FRMD4A: variants seen among roughly 807,000 people sequenced by gnomAD.
The protein encoded by FRMD4A is FERM domain-containing protein 4A.
A neutral mutation model predicts 129.1 loss-of-function variants in FRMD4A; 29 were observed. The observed-to-expected ratio is 0.22, with a 90% CI of 0.17 to 0.31. The LOEUF is 0.31. FRMD4A is among the 10% of genes least tolerant of loss of function. FRMD4A has a pLI of 1.00. For synonymous variants in FRMD4A, 634 were observed against 571.6 expected, an observed-to-expected ratio of 1.11 and a Z score of -1.56; for missense variants, 1,272 against 1,375.8, an observed-to-expected ratio of 0.92 and a Z score of 1.19.
intron 2 of FRMD4A, among the ~76,000 whole-genome samples, chr10:13,886,098 T>C (rs1324940026): frequency 6.6e-6 from 1 of 152,196 alleles, no homozygotes; most frequent in Non-Finnish European, 1.5e-5. Flanking sequence ...TATATACTTC[T>C]TCCCAGGCAT....
chr10:14,305,178 G>A (rs1448935907), intron 2 of FRMD4A, among the ~76,000 whole-genome samples: 1 of 152,180 alleles, frequency 6.6e-6, no homozygotes, highest in Non-Finnish European at 1.5e-5. Flanking sequence ...AGCAGTTAGT[G>A]AAAGATTTTT....
chr10:14,044,599 G>A (rs1833910405), intron 2 of FRMD4A, among the ~76,000 whole-genome samples: 1 of 152,214 alleles, frequency 6.6e-6, no homozygotes, highest in Non-Finnish European at 1.5e-5. Context: ...AAGGACTGCT[G>A]GCAAGCAGCA....
intron 2 of FRMD4A, among the ~76,000 whole-genome samples, chr10:14,236,309 C>A (rs914985771): frequency 6.6e-6 from 1 of 152,150 alleles, no homozygotes; most frequent in Admixed American, 6.5e-5. Flanking sequence ...TGGTTGTAAT[C>A]CAAGAAGGAA....
chr10:13,657,787 G>GTTTTTTTTT (rs1204181870), intron 21 of FRMD4A, among the ~76,000 whole-genome samples: 1,422 of 110,892 alleles, frequency 0.013, 28 homozygotes, highest in African/African-American at 0.05. Context: ...TCGATTTCTG[G>GTTTTTTTTT]GTTTTTTTTT....
chr10:14,155,656 A>G (rs1373695466), intron 2 of FRMD4A, among the ~76,000 whole-genome samples: 2 of 152,218 alleles, frequency 1.3e-5, no homozygotes, highest in South Asian at 2.1e-4. Context: ...ATACAATGCA[A>G]TGCCACTGGA....
intron 2 of FRMD4A, among the ~76,000 whole-genome samples, chr10:14,150,940 A>C (rs951188656): frequency 6.6e-6 from 1 of 152,208 alleles, no homozygotes; most frequent in Non-Finnish European, 1.5e-5. Flanking sequence ...CTTTTTCTGG[A>C]GAAATCTCAG....
chr10:14,105,069 A>T (rs890763112), intron 2 of FRMD4A, among the ~76,000 whole-genome samples: 2 of 152,116 alleles, frequency 1.3e-5, no homozygotes, highest in Admixed American at 1.3e-4. Context: ...AGTCTCTCTC[A>T]TTCTCACAAC....
intron 2 of FRMD4A, among the ~76,000 whole-genome samples, chr10:13,865,221 G>T (rs192613235): frequency 2.0e-3 from 305 of 152,136 alleles, no homozygotes; most frequent in Non-Finnish European, 3.6e-3. Context: ...ATCCTGCAAT[G>T]ATTAAATTAA....
chr10:14,114,477 A>G (rs1279257547), intron 2 of FRMD4A, among the ~76,000 whole-genome samples: 1 of 152,236 alleles, frequency 6.6e-6, no homozygotes, highest in Non-Finnish European at 1.5e-5. Flanking sequence ...ATTTTTAGCC[A>G]TAATTCTAAT....
intron 2 of FRMD4A, among the ~76,000 whole-genome samples, chr10:13,878,139 G>A (rs573719694): frequency 6.8e-6 from 1 of 147,240 alleles, no homozygotes; most frequent in South Asian, 2.2e-4. Flanking sequence ...GTATCTGTTA[G>A]TCAAATCAAA....
intron 4 of FRMD4A, among the ~76,000 whole-genome samples, chr10:13,800,795 C>T (rs566179213): frequency 6.6e-6 from 1 of 152,244 alleles, no homozygotes; most frequent in Non-Finnish European, 1.5e-5. Context: ...CCACAGAGGA[C>T]AAACAGACAG....
intron 2 of FRMD4A, among the ~76,000 whole-genome samples, chr10:14,302,956 G>T (rs184482525): frequency 6.6e-6 from 1 of 152,264 alleles, no homozygotes; most frequent in Admixed American, 6.5e-5. Flanking sequence ...TTTGATCTTG[G>T]AGGAGCAGTG....
At chr10:14,210,863 G>C (rs1842916575) in intron 2 of FRMD4A, among the ~76,000 whole-genome samples, 1 of 152,162 alleles carries the variant, frequency 6.6e-6, no homozygotes, top group Non-Finnish European at 1.5e-5. Flanking sequence ...AAGTAGCTGG[G>C]ACTACAGGTG....
chr10:14,124,990 C>T (rs11258878), intron 2 of FRMD4A, among the ~76,000 whole-genome samples: 62,275 of 152,006 alleles, frequency 0.41, 13,399 homozygotes, highest in East Asian at 0.55. Flanking sequence ...CTTCCTTTGA[C>T]AACGTCAATT....
Position 13,654,702 on chromosome 10 carries a change from G to A in FRMD4A, c.2954-190C>T. 3 of 590,254 alleles carry A rather than the reference G, an allele frequency of 5.1e-6. 1 individual carries two copies. In the South Asian group the frequency reaches 6.2e-5, roughly 12 times the overall value. The allele number at this position is 590,254 out of a possible 1,614,324, so 36.6% of individuals were successfully genotyped here. On this transcript the variant is annotated intron_variant, in intron 22 of 24. Transcript: ENST00000357447. ...TCACAGTGGGCAACCATCTCTACATGCCCCCCCAACCTCTGCATCCCACCC... is the reference window on the plus strand; with the variant it reads ...TCACAGTGGGCAACCATCTCTACATACCCCCCCAACCTCTGCATCCCACCC...
At chr10:13,955,714 G>T (rs187895580) in intron 2 of FRMD4A, among the ~76,000 whole-genome samples, 20 of 152,354 alleles carry the variant, frequency 1.3e-4, no homozygotes, top group Admixed American at 2.0e-4. Flanking sequence ...CCCTGCCGGG[G>T]TCTACTTTGT....
intron 2 of FRMD4A, among the ~76,000 whole-genome samples, chr10:14,228,350 A>C (rs1843519340): frequency 6.6e-6 from 1 of 152,202 alleles, no homozygotes. Context: ...CTTGATTGGG[A>C]CCATCCAGCT....
rs549291813 is a variant in FRMD4A, at chr10:13,995,738, T to C, written c.46-136826A>G. 1.2e-4 allele frequency among the ~76,000 whole-genome samples: 18 copies of C among 152,302 alleles called. 1 individual carries two copies. The South Asian group carries it at 2.7e-3, about 23-fold the overall frequency. On this transcript the variant is annotated intron_variant, in intron 2 of 24. Coordinates refer to ENST00000357447, the MANE Select transcript of FRMD4A (RefSeq NM_018027.5). ...GACAATTGGTCTTCAGGAAGCCAAGTTGACCAGTAGGCTGACATAAGCACA... is the reference window on the plus strand; with the variant it reads ...GACAATTGGTCTTCAGGAAGCCAAGCTGACCAGTAGGCTGACATAAGCACA...
chr10:13,941,500 C>A (rs1039171861), intron 2 of FRMD4A, among the ~76,000 whole-genome samples: 1 of 152,192 alleles, frequency 6.6e-6, no homozygotes, highest in African/African-American at 2.4e-5. Context: ...CAAAAAATGG[C>A]AGCCCAAGGA....
Sources: gnomAD v4.1 joint callset for allele counts (sites outside exome capture counted in the v4.1 genomes callset) on GRCh38, gnomAD v4.1.1 for gene constraint, MANE v1.5 for transcripts, NCBI Gene and HGNC (gene_info 2026-07-23, HGNC 2026-07-21) for gene names.